The following WIPI1 variants were observed in gnomAD, a reference collection of about 807,000 sequenced individuals.
WIPI1 encodes WD repeat domain phosphoinositide-interacting protein 1.
WIPI1 carries 45 observed loss-of-function variants against 55.3 expected under a neutral mutation model. That is an observed-to-expected ratio of 0.81 (90% CI 0.64 to 1.04). The LOEUF (loss-of-function observed/expected upper bound fraction) is 1.04, where lower values mean the gene tolerates loss of function less well. Among genes scored for constraint, WIPI1 ranks in the 50% least tolerant of loss-of-function variants. The probability of loss-of-function intolerance (pLI) is 0.00; values close to 1 mark genes in which losing one functional copy is unlikely to be tolerated. For synonymous variants in WIPI1, 195 were observed against 217.6 expected (o/e 0.90, Z 0.92); for missense variants, 445 against 559.0 (o/e 0.80, Z 2.06).
chr17:68,436,989 G>A (rs1050445407), intron 4 of WIPI1, among the ~76,000 whole-genome samples: 18 of 70,214 alleles, frequency 2.6e-4, no homozygotes, highest in Non-Finnish European at 3.5e-4. Flanking sequence ...GTGAGACCCC[G>A]TCTCAAAAAA....
chr17:68,449,272 C>G (rs965564004), intron 3 of WIPI1, among the ~76,000 whole-genome samples: 8 of 152,194 alleles, frequency 5.3e-5, no homozygotes, highest in African/African-American at 7.2e-5. Context: ...GAGCACGTAT[C>G]TACCAAGCAC....
chr17:68,430,606 G>A (rs756374567), intron 8 of WIPI1, among the ~76,000 whole-genome samples: 9 of 152,270 alleles, frequency 5.9e-5, no homozygotes, highest in East Asian at 1.9e-4. Flanking sequence ...GCAAACCTCC[G>A]GGCAAGACAC....
At chr17:68,426,252 G>GGA (rs1294668249) in intron 11 of WIPI1, 77 bp from the exon 12 acceptor site, 3 of 828,070 alleles carry the variant, frequency 3.6e-6, no homozygotes, top group Admixed American at 2.3e-5. Flanking sequence ...TGGGGAGCGG[G>GGA]GGCTCAAATA....
chr17:68,441,944 AAGG>A (rs1400739998), intron 4 of WIPI1, among the ~76,000 whole-genome samples: 2 of 152,166 alleles, frequency 1.3e-5, no homozygotes, highest in African/African-American at 4.8e-5. Context: ...ATCCTTTCAT[AAGG>A]AGGCATTCTT....
At chr17:68,436,596 G>T in intron 4 of WIPI1, 117 bp from the exon 5 acceptor site, 1 of 878,266 alleles carries the variant, frequency 1.1e-6, no homozygotes, top group South Asian at 1.7e-5. Context: ...GGGGAGGAAT[G>T]GCTTTGCAGA....
rs556777098 is a variant in WIPI1 at position 68,433,760 on chromosome 17, G to GTTTTTTTT, written c.693-193_693-186dup. On this transcript the variant is annotated intron_variant, in intron 7 of 12. Transcript: ENST00000262139. ...TCAGAAAGATTCACAAAGGGTCATA[G>GTTTTTTTT]TTTTTTTTTTTTTTTTTTTTTTTTT... is the stretch of plus-strand genomic sequence containing the variant. 4.1e-4 allele frequency among the ~76,000 whole-genome samples: 30 copies of GTTTTTTTT among 72,822 alleles called. 2 individuals are homozygous for GTTTTTTTT. Among genetic ancestry groups the GTTTTTTTT allele is most frequent in the African/African-American group, 1.4e-3 (21 of 15,268 alleles). 47.8% of individuals were successfully genotyped at this position (72,822 alleles called of 152,430 possible).
At chr17:68,446,670 C>T (rs914992309) in intron 3 of WIPI1, among the ~76,000 whole-genome samples, 14 of 152,216 alleles carry the variant, frequency 9.2e-5, no homozygotes, top group Admixed American at 8.5e-4. Context: ...TTCTATGCTT[C>T]CTTCTGTTCA....
chr17:68,433,341 T>C, intron 8 of WIPI1, 127 bp downstream of exon 8: 1 of 905,202 alleles, frequency 1.1e-6, no homozygotes, highest in Non-Finnish European at 1.7e-6. Flanking sequence ...CTCCATCACT[T>C]AGGTGAAGTC....
At chr17:68,440,112 G>A (rs765867758) in intron 4 of WIPI1, among the ~76,000 whole-genome samples, 1 of 152,194 alleles carries the variant, frequency 6.6e-6, no homozygotes, top group Admixed American at 6.5e-5. Context: ...GTGAGGGCAG[G>A]CATACTCTGA....
In WIPI1 at chr17:68,425,288, C is replaced by T. The variant is rs552824701; in HGVS notation, c.1293+787G>A. Among the ~76,000 whole-genome samples, 197 of 152,278 alleles carry T rather than the reference C, an allele frequency of 1.3e-3. 1 individual carries two copies. Among genetic ancestry groups the T allele is most frequent in the African/African-American group, 4.7e-3 (195 of 41,550 alleles). ...GCACAATCAGAGCTCACTGCAGCCTCGACCTCCCAGGCTCAGGTGATCCTC... is the reference window on the plus strand; with the variant it reads ...GCACAATCAGAGCTCACTGCAGCCTTGACCTCCCAGGCTCAGGTGATCCTC... On this transcript the variant is annotated intron_variant, in intron 12 of 12. Coordinates refer to ENST00000262139, the MANE Select transcript of WIPI1 (RefSeq NM_017983.7).
chr17:68,448,469 G>A (rs995180081), intron 3 of WIPI1: 37 of 152,110 alleles, frequency 2.4e-4, no homozygotes, highest in African/African-American at 8.9e-4. Context: ...GACAGTTCCT[G>A]GTGCATCAGT....
chr17:68,452,735 G>A (rs2084542836), intron 2 of WIPI1, among the ~76,000 whole-genome samples, 175 bp downstream of exon 2: 1 of 152,204 alleles, frequency 6.6e-6, no homozygotes, highest in South Asian at 2.1e-4. Flanking sequence ...CTAAGTGCTT[G>A]TGGTTTAAAG....
At position 68,428,661 on chromosome 17, in the gene WIPI1, C is replaced by T. The variant is rs573552043; in HGVS notation, c.1073+168G>A. ...GATGATTACCACATGCTGAGGGCAC[C>T]TGACACAGAGCCCGGTGCAGAGCAC... On this transcript the variant is annotated intron_variant, in intron 10 of 12. Transcript: ENST00000262139. 3.2e-4 allele frequency: 186 copies of T among 586,138 alleles called. No individual in the cohort carries two copies. The Middle Eastern group carries it at 5.0e-3, about 16-fold the overall frequency. The allele number at this position is 586,138 out of a possible 1,614,324, so 36.3% of individuals were successfully genotyped here.
rs1321605669 is a variant in WIPI1, at chr17:68,434,606, G to C, written c.642C>G (p.Phe214Leu). The stretch of plus-strand genomic sequence containing the variant: ...AGAGCTTTTGCCCATCAGGGACAGA[G>C]AACACCCGGATGACTGTGCCCTGGA... ...ASEKGTVIRV[F>L]SVPDGQKLYE... is the part of the protein sequence containing the mutation. Residue 214 changes from phenylalanine (F) to leucine (L), a missense_variant, in exon 7 of 13, where the codon TTC (phenylalanine) becomes TTG (leucine). By Grantham distance (22) the Phe-to-Leu change is conservative (BLOSUM62 0). Coordinates refer to ENST00000262139, the MANE Select transcript of WIPI1 (RefSeq NM_017983.7). 1 of 1,614,046 alleles carries C rather than the reference G, an allele frequency of 6.2e-7. No homozygotes were observed. Among genetic ancestry groups the C allele is most frequent in the East Asian group, 2.2e-5 (1 of 44,870 alleles).
intron 2 of WIPI1, among the ~76,000 whole-genome samples, 163 bp from the exon 3 acceptor site, chr17:68,451,060 C>T (rs1464269858): frequency 6.6e-6 from 1 of 152,232 alleles, no homozygotes; most frequent in African/African-American, 2.4e-5. Flanking sequence ...TCCACCATGC[C>T]CCCCACCCTG....
At position 68,457,335 on chromosome 17, in the gene WIPI1, A is replaced by G. The variant is rs2084672250; in HGVS notation, c.80+7T>C. The G allele has an allele frequency of 6.5e-7, 1 of 1,545,338 alleles. No homozygotes were observed. Among genetic ancestry groups the G allele is most frequent in the Non-Finnish European group, 8.7e-7 (1 of 1,144,902 alleles). ...ACCTCCCTGGCAGGGGCCGAGTCGC[A>G]GCTTACGTGCAGTCCTGGTTGAAAG... On this transcript the variant is annotated splice_region_variant and intron_variant, in intron 1 of 12. Transcript: ENST00000262139.
At chr17:68,447,401 A>G (rs1476253303) in intron 3 of WIPI1, among the ~76,000 whole-genome samples, 2 of 152,152 alleles carry the variant, frequency 1.3e-5, no homozygotes, top group African/African-American at 4.8e-5. Context: ...TTTTTTATAG[A>G]GACAGGGTCT....
At chr17:68,434,711 G>T in intron 6 of WIPI1, 85 bp from the exon 7 acceptor site, 2 of 1,380,892 alleles carry the variant, frequency 1.4e-6, no homozygotes, top group Non-Finnish European at 1.0e-6. Flanking sequence ...TGTTTTATTG[G>T]TTTTGAACAT....
At chr17:68,445,259 G>A (rs2084239493) in intron 3 of WIPI1, among the ~76,000 whole-genome samples, 1 of 152,158 alleles carries the variant, frequency 6.6e-6, no homozygotes, top group African/African-American at 2.4e-5. Context: ...CCTGTGCCAT[G>A]TAAGACAATT....
Sources: allele counts gnomAD v4.1 joint callset (sites outside exome capture counted in the v4.1 genomes callset), GRCh38; gene constraint gnomAD v4.1.1; transcripts MANE v1.5; gene names NCBI Gene and HGNC (gene_info 2026-07-23, HGNC 2026-07-21).